MICU2: variants seen among roughly 807,000 people sequenced by gnomAD.
MICU2 encodes mitochondrial calcium uptake 2.
In MICU2, 64 loss-of-function variants were observed where a neutral mutation model predicts 60.4. The ratio of observed to expected loss-of-function variants is 1.06; its 90% CI spans 0.87 to 1.31. The LOEUF is 1.31. MICU2 is among the 50% of genes most tolerant of loss of function. The probability of loss-of-function intolerance (pLI) is 0.00; values close to 1 mark genes in which losing one functional copy is unlikely to be tolerated. For missense variants in MICU2, 569 were observed against 531.0 expected, an observed-to-expected ratio of 1.07 and a Z score of -0.70; for synonymous variants, 201 against 175.0, an observed-to-expected ratio of 1.15 and a Z score of -1.17.
intron 1 of MICU2, among the ~76,000 whole-genome samples, chr13:21,592,241 C>T (rs752603582): frequency 5.9e-5 from 9 of 152,076 alleles, no homozygotes; most frequent in South Asian, 4.1e-4. Context: ...AACACCTCTA[C>T]GCAAATAAAC....
intron 4 of MICU2, among the ~76,000 whole-genome samples, chr13:21,529,198 A>C (rs1886929009): frequency 6.6e-6 from 1 of 152,202 alleles, no homozygotes; most frequent in Non-Finnish European, 1.5e-5. Flanking sequence ...GTTTGATTGA[A>C]TATGAAGGGT....
intron 4 of MICU2, among the ~76,000 whole-genome samples, chr13:21,533,306 C>A (rs1031440883): frequency 2.0e-5 from 3 of 150,048 alleles, no homozygotes; most frequent in East Asian, 4.0e-4. Flanking sequence ...TTTTTGTAAT[C>A]AATAGTAAGG....
chr13:21,529,389 G>A (rs1204490863), intron 4 of MICU2, among the ~76,000 whole-genome samples: 1 of 152,228 alleles, frequency 6.6e-6, no homozygotes, highest in Non-Finnish European at 1.5e-5. Context: ...CCAAAACCAG[G>A]TGTCTGGCAG....
rs546363603 is a variant in MICU2 at position 21,569,614 on chromosome 13, A to G, written c.211-2670T>C. ...GAGACTCTAGGAAGAGACAGAACAC[A>G]TAAGAATCAAGGGGGCAACTCTGTA... On this transcript the variant is annotated intron_variant, in intron 1 of 11. Transcript: ENST00000382374. Among the ~76,000 whole-genome samples the G allele has an allele frequency of 9.9e-5, 15 of 152,166 alleles. No individual in the cohort carries two copies. In the South Asian group the frequency reaches 3.1e-3, roughly 32 times the overall value.
chr13:21,537,096 G>C (rs1887148044), intron 4 of MICU2, among the ~76,000 whole-genome samples: 1 of 152,014 alleles, frequency 6.6e-6, no homozygotes, highest in Admixed American at 6.5e-5. Flanking sequence ...TCATGAAAAG[G>C]GGATTTTTTT....
intron 9 of MICU2, among the ~76,000 whole-genome samples, chr13:21,500,529 C>T (rs1886125946): frequency 6.6e-6 from 1 of 151,438 alleles, no homozygotes; most frequent in South Asian, 2.1e-4. Flanking sequence ...ATTCTCCCGC[C>T]TCAGCCTCCT....
chr13:21,498,833 C>A (rs910269218), intron 9 of MICU2, among the ~76,000 whole-genome samples: 4 of 147,038 alleles, frequency 2.7e-5, no homozygotes, highest in African/African-American at 7.6e-5. Context: ...AAAAAAAAAA[C>A]CAGTGTATTT....
intron 2 of MICU2, among the ~76,000 whole-genome samples, chr13:21,550,923 A>G (rs532499894): frequency 6.6e-6 from 1 of 152,338 alleles, no homozygotes; most frequent in South Asian, 2.1e-4. Flanking sequence ...TTTCTGTCCT[A>G]TTCCAGGACC....
At chr13:21,522,708 G>T (rs1886749383) in intron 4 of MICU2, 58 bp from the exon 5 acceptor site, 12 of 1,208,632 alleles carry the variant, frequency 9.9e-6, no homozygotes, top group Non-Finnish European at 1.4e-5. Context: ...AATATATAGA[G>T]ACATTAACAT....
In MICU2 at chr13:21,525,261, C is replaced by T. The variant is rs548534965; in HGVS notation, c.467-2611G>A. 3.5e-3 allele frequency among the ~76,000 whole-genome samples: 458 copies of T among 129,802 alleles called. 2 individuals carry two copies. The highest frequency in any genetic ancestry group is 0.013 in the African/African-American group (432 of 33,990). The allele number at this position is 129,802 out of a possible 152,430, so 85.2% of individuals were successfully genotyped here. A position where few individuals can be genotyped will look rare whatever the true frequency, so the allele number is the denominator to read the frequency against. On this transcript the variant is annotated intron_variant, in intron 4 of 11. Transcript: ENST00000382374. Reference sequence around the variant, plus strand: ...AGGCTGGAGTGCAGTGGTGCGATCTCGGCTCACTGCAAGCTCCGCCTCCCA... The same window carrying T: ...AGGCTGGAGTGCAGTGGTGCGATCTTGGCTCACTGCAAGCTCCGCCTCCCA...
At chr13:21,497,544 T>C (rs997850040) in intron 9 of MICU2, among the ~76,000 whole-genome samples, 18 of 151,740 alleles carry the variant, frequency 1.2e-4, no homozygotes, top group South Asian at 8.3e-4. Context: ...CCCCCATCTC[T>C]ACAAAAAATA....
At chr13:21,570,714 A>C (rs1217297578) in intron 1 of MICU2, among the ~76,000 whole-genome samples, 2 of 152,236 alleles carry the variant, frequency 1.3e-5, no homozygotes, top group African/African-American at 4.8e-5. Flanking sequence ...TAGAATTTTA[A>C]GAGTTAAAAG....
chr13:21,586,709 CGT>C (rs1566169821), intron 1 of MICU2, among the ~76,000 whole-genome samples: 1 of 152,108 alleles, frequency 6.6e-6, no homozygotes, highest in African/African-American at 2.4e-5. Context: ...ACACACCTGG[CGT>C]GTTACAGCAT....
At position 21,602,718 on chromosome 13, in the gene MICU2, GTTGCCAATACTTAATT is replaced by G. The variant is rs1276570795; in HGVS notation, c.210+1205_210+1220del. 10 of 152,190 alleles carry G rather than the reference GTTGCCAATACTTAATT, an allele frequency of 6.6e-5. No homozygotes were observed. In the East Asian group the frequency reaches 1.9e-3, roughly 29 times the overall value. The allele number at this position is 152,190 out of a possible 1,614,324, so 9.4% of individuals were successfully genotyped here. A position where few individuals can be genotyped will look rare whatever the true frequency, so the allele number is the denominator to read the frequency against. On this transcript the variant is annotated intron_variant, in intron 1 of 11. Coordinates refer to ENST00000382374, the MANE Select transcript of MICU2 (RefSeq NM_152726.3). ...ATGTTAATACAAATAAGGAATATCA[GTTGCCAATACTTAATT>G]TTAACTCACAAGGCCTTCTTTCCTC... is the stretch of plus-strand genomic sequence containing the variant.
chr13:21,588,961 C>T (rs1382187367), intron 1 of MICU2, among the ~76,000 whole-genome samples: 2 of 152,072 alleles, frequency 1.3e-5, no homozygotes, highest in African/African-American at 2.4e-5. Context: ...CAACCAACAG[C>T]GATTTATTAA....
In MICU2 at chr13:21,604,060, C is replaced by T. The variant is rs368840139; in HGVS notation, c.89G>A (p.Arg30Gln). 141 of 1,603,482 alleles carry T rather than the reference C, an allele frequency of 8.8e-5. No individual in the cohort carries two copies. In the African/African-American group the frequency reaches 1.8e-3, roughly 21 times the overall value. The change falls in exon 1 of 12, where the codon CGG (arginine) becomes CAG (glutamine). Residue 30 changes from arginine to glutamine, a missense_variant. By Grantham distance (43) the Arg-to-Gln change is conservative. Transcript: ENST00000382374. Reference sequence around the variant, plus strand: ...TGCCGCTGCCAAGGGGCCGGGACTCCGCACAGCCTGTCGGCTGACAGCGAG... The same window carrying T: ...TGCCGCTGCCAAGGGGCCGGGACTCTGCACAGCCTGTCGGCTGACAGCGAG... ...RGLAVSRQAVRSPGPLAAAVA... is the reference protein window; with the variant it reads ...RGLAVSRQAVQSPGPLAAAVA...
rs533480142 is a variant in MICU2, at chr13:21,521,261, T to C, written c.581A>G (p.Lys194Arg). ...TCCACTTACCTTAAAAAATTCCCTT[T>C]TTTCAATCATCTCATTACCATCTGT... is the stretch of plus-strand genomic sequence containing the variant. The part of the protein sequence containing the change: ...LDTDGNEMIE[K>R]REFFKLQKII... Residue 194 changes from lysine to arginine, a missense_variant, in exon 6 of 12, where the codon AAA becomes AGA. Physicochemically the swap from Lys to Arg is conservative, Grantham distance 26. Coordinates refer to ENST00000382374, the MANE Select transcript of MICU2 (RefSeq NM_152726.3). The C allele has an allele frequency of 6.2e-7, 1 of 1,605,430 alleles. No individual in the cohort carries two copies. Among genetic ancestry groups the C allele is most frequent in the Non-Finnish European group, 8.5e-7 (1 of 1,177,278 alleles).
intron 1 of MICU2, among the ~76,000 whole-genome samples, chr13:21,567,831 C>T (rs142301476): frequency 1.7e-4 from 26 of 152,242 alleles, no homozygotes; most frequent in Middle Eastern, 3.4e-3. Flanking sequence ...GAAAAGTAAA[C>T]GGCAGAGGCA....
intron 1 of MICU2, among the ~76,000 whole-genome samples, chr13:21,570,292 GGTA>G (rs1888078452): frequency 2.0e-5 from 3 of 147,862 alleles, no homozygotes; most frequent in African/African-American, 7.2e-5. Context: ...TTTATTATAC[GGTA>G]GTAGAATTTT....
Sources: allele counts gnomAD v4.1 joint callset (sites outside exome capture counted in the v4.1 genomes callset), GRCh38; gene constraint gnomAD v4.1.1; transcripts MANE v1.5; gene names NCBI Gene and HGNC (gene_info 2026-07-23, HGNC 2026-07-21).